The following SP4 variants were observed in gnomAD, a reference collection of about 807,000 sequenced individuals.
SP4 encodes the protein Sp4 transcription factor.
A neutral mutation model predicts 72.8 loss-of-function variants in SP4; 19 were observed. That is an observed-to-expected ratio of 0.26 (90% CI 0.18 to 0.38). The LOEUF (loss-of-function observed/expected upper bound fraction) is 0.38, where lower values mean the gene tolerates loss of function less well. Ranked by LOEUF, SP4 falls within the 10% of genes least tolerant of loss-of-function variation. The pLI is 1.00. For synonymous variants in SP4, 395 were observed against 333.1 expected (o/e 1.19, Z -2.02); for missense variants, 1,008 against 926.3 (o/e 1.09, Z -1.14).
chr7:21,495,539 A>G (rs1043422669), intron 5 of SP4, among the ~76,000 whole-genome samples: 14 of 152,286 alleles, frequency 9.2e-5, no homozygotes, highest in Admixed American at 9.2e-4. Context: ...ATAATGCAAT[A>G]CTACTGTACA....
chr7:21,439,706 A>G (rs1783174902), intron 3 of SP4, among the ~76,000 whole-genome samples: 1 of 152,152 alleles, frequency 6.6e-6, no homozygotes, highest in South Asian at 2.1e-4. Flanking sequence ...CCTGGGCAAC[A>G]TAGTGAGACT....
At chr7:21,463,607 A>G (rs1295049939) in intron 3 of SP4, among the ~76,000 whole-genome samples, 1 of 152,198 alleles carries the variant, frequency 6.6e-6, no homozygotes, top group East Asian at 1.9e-4. Context: ...ATTGAGTTCA[A>G]AAATAAACGG....
At chr7:21,496,001 C>T (rs1345689179) in intron 5 of SP4, among the ~76,000 whole-genome samples, 1 of 152,132 alleles carries the variant, frequency 6.6e-6, no homozygotes, top group East Asian at 1.9e-4. Flanking sequence ...AATCAAAAGA[C>T]TGCATAATAT....
intron 2 of SP4, chr7:21,429,048 A>T: frequency 1.7e-6 from 1 of 580,128 alleles, no homozygotes; most frequent in South Asian, 2.4e-5. Flanking sequence ...GTTTAGGAAC[A>T]TAACACTTTA....
Position 21,430,317 on chromosome 7 carries a change from G to A in SP4, c.1152G>A (p.Gln384=), listed in dbSNP as rs1160741010. 2 of 1,614,120 alleles carry A rather than the reference G, an allele frequency of 1.2e-6. No homozygotes were observed. Among genetic ancestry groups the A allele is most frequent in the Admixed American group, 1.7e-5 (1 of 60,010 alleles). ...GTCAGCTTCAGCCTAATGGAATGCA[G>A]AATGCACAGGATCAATCAAATTCTC... ...SSSQLQPNGM[Q]NAQDQSNSLQ... is the part of the protein sequence containing the mutation. Residue 384 remains glutamine, a synonymous_variant, in exon 3 of 6, where the codon CAG becomes CAA. Transcript: ENST00000222584.
intron 4 of SP4, among the ~76,000 whole-genome samples, chr7:21,478,173 C>T (rs1163113542): frequency 1.3e-5 from 2 of 152,166 alleles, no homozygotes; most frequent in Non-Finnish European, 2.9e-5. Flanking sequence ...CAAGGTTCAA[C>T]CATATTACAG....
intron 5 of SP4, among the ~76,000 whole-genome samples, chr7:21,503,341 A>C (rs1431945614): frequency 2.0e-5 from 3 of 152,158 alleles, no homozygotes; most frequent in Non-Finnish European, 4.4e-5. Context: ...GGGCAATCCC[A>C]AGTCTTTTAT....
At chr7:21,448,432 T>C (rs1247480621) in intron 3 of SP4, among the ~76,000 whole-genome samples, 1 of 152,210 alleles carries the variant, frequency 6.6e-6, no homozygotes, top group African/African-American at 2.4e-5. Context: ...GGAATAGCTA[T>C]TTGTTTCTAC....
At chr7:21,447,270 C>G (rs1215869475) in intron 3 of SP4, among the ~76,000 whole-genome samples, 1 of 152,144 alleles carries the variant, frequency 6.6e-6, no homozygotes. Flanking sequence ...CTAACCTTTC[C>G]AAAACCCAAT....
chr7:21,511,941 A>G lies in SP4; in HGVS notation c.*672A>G, dbSNP rs1050217956. The G allele has an allele frequency of 1.3e-5, 2 of 152,642 alleles. No individual in the cohort carries two copies. Among genetic ancestry groups the G allele is most frequent in the Non-Finnish European group, 2.9e-5 (2 of 68,034 alleles). 9.5% of individuals were successfully genotyped at this position (152,642 alleles called of 1,614,324 possible). ...CTCCATTTGGAGACACAAGAGGAAC[A>G]TAGAGTTAAATCTTAGGTTAAATTT... On this transcript the variant is annotated 3_prime_UTR_variant, in exon 6 of 6. Transcript: ENST00000222584.
At chr7:21,429,008 A>G in intron 2 of SP4, 1 of 582,768 alleles carries the variant, frequency 1.7e-6, no homozygotes, top group East Asian at 2.9e-5. Context: ...CTATAAGAAA[A>G]CGGTGTGTGT....
intron 5 of SP4, among the ~76,000 whole-genome samples, chr7:21,484,572 A>T (rs1350093449): frequency 1.3e-5 from 2 of 151,952 alleles, no homozygotes; most frequent in Non-Finnish European, 2.9e-5. Flanking sequence ...TATAGTATAT[A>T]CACCATTGAC....
chr7:21,478,115 A>G (rs753476957), intron 4 of SP4, among the ~76,000 whole-genome samples: 1 of 152,208 alleles, frequency 6.6e-6, no homozygotes, highest in Non-Finnish European at 1.5e-5. Context: ...AATTCATATA[A>G]ATGGAATCAT....
chr7:21,514,752 T>C lies in SP4; in HGVS notation c.*3483T>C, dbSNP rs1782227500. ...TGCAAGTAACCTATTAAAAATTCCC[T>C]TGAGTTTAACATGTTTCATTTAATT... On this transcript the variant is annotated 3_prime_UTR_variant, in exon 6 of 6. Transcript: ENST00000222584. 1 of 152,200 alleles carries C rather than the reference T, an allele frequency of 6.6e-6. No homozygotes were observed. The highest frequency in any genetic ancestry group is 6.5e-5 in the Admixed American group (1 of 15,280). 9.4% of individuals were successfully genotyped at this position (152,200 alleles called of 1,614,324 possible).
intron 3 of SP4, chr7:21,471,285 A>G: frequency 2.8e-6 from 1 of 351,424 alleles, no homozygotes; most frequent in Admixed American, 3.6e-5. Context: ...TATGAATATT[A>G]GAAGGGGCAA....
intron 5 of SP4, among the ~76,000 whole-genome samples, chr7:21,502,580 C>T (rs971137322): frequency 3.0e-4 from 46 of 152,102 alleles, no homozygotes; most frequent in African/African-American, 9.4e-4. Flanking sequence ...GAGGTCCTCC[C>T]GCAGCACATG....
chr7:21,457,461 A>G (rs994268549), intron 3 of SP4, among the ~76,000 whole-genome samples: 3 of 152,170 alleles, frequency 2.0e-5, no homozygotes, highest in African/African-American at 4.8e-5. Flanking sequence ...TACTGAGTAG[A>G]TGAAGCTCTG....
intron 3 of SP4, among the ~76,000 whole-genome samples, chr7:21,460,443 G>A (rs56099083): frequency 0.52 from 78,407 of 151,822 alleles, 20,724 homozygotes; most frequent in Middle Eastern, 0.66. Flanking sequence ...GCAGACCTTC[G>A]CGGTGAGTGT....
chr7:21,487,666 A>T (rs1784856666), intron 5 of SP4, among the ~76,000 whole-genome samples: 1 of 147,862 alleles, frequency 6.8e-6, no homozygotes, highest in African/African-American at 2.5e-5. Context: ...CTCCAGGATG[A>T]TTTTTTTGTC....
Sources: gnomAD v4.1 joint callset for allele counts (sites outside exome capture counted in the v4.1 genomes callset) on GRCh38, gnomAD v4.1.1 for gene constraint, MANE v1.5 for transcripts, NCBI Gene and HGNC (gene_info 2026-07-23, HGNC 2026-07-21) for gene names.